Variants in PPFIBP2 observed in about 807,000 individuals in gnomAD.
PPFIBP2 encodes PPFIB scaffold protein 2, also known as liprin-beta-2.
A neutral mutation model predicts 118.3 loss-of-function variants in PPFIBP2; 118 were observed. That is an observed-to-expected ratio of 1.00 (90% CI 0.86 to 1.16). The LOEUF (loss-of-function observed/expected upper bound fraction) is 1.16. Among genes scored for constraint, PPFIBP2 ranks in the 50% most tolerant of loss-of-function variants. PPFIBP2 has a pLI of 0.00. For synonymous variants in PPFIBP2, 414 were observed against 397.4 expected (o/e 1.04, Z -0.50); for missense variants, 1,195 against 1,073.1 (o/e 1.11, Z -1.59).
chr11:7,537,737 G>A (rs758392100), intron 1 of PPFIBP2, among the ~76,000 whole-genome samples: 4 of 152,178 alleles, frequency 2.6e-5, no homozygotes, highest in Non-Finnish European at 5.9e-5. Flanking sequence ...GTTTGGTGAT[G>A]CTCTGCTCCC....
In PPFIBP2 at chr11:7,535,718, C is replaced by G. The variant is rs189489248; in HGVS notation, c.-36-13722C>G. Among the ~76,000 whole-genome samples the G allele has an allele frequency of 2.0e-3, 312 of 152,284 alleles. 3 individuals carry two copies. The highest frequency in any genetic ancestry group is 7.0e-3 in the African/African-American group (291 of 41,534). ...TTGGATGCCAGCTCATGCGTTCAGA[C>G]TGCTGTGGGAGAGGCCAGGTGTTAC... On this transcript the variant is annotated intron_variant, in intron 1 of 23. Coordinates refer to ENST00000299492, the MANE Select transcript of PPFIBP2 (RefSeq NM_003621.5).
At chr11:7,626,888 A>G (rs1181194829) in intron 8 of PPFIBP2, among the ~76,000 whole-genome samples, 2 of 152,164 alleles carry the variant, frequency 1.3e-5, no homozygotes, top group Non-Finnish European at 2.9e-5. Context: ...CCATGCAACA[A>G]TGGCTTAGGC....
chr11:7,536,083 G>T (rs1260240902), intron 1 of PPFIBP2, among the ~76,000 whole-genome samples: 2 of 152,190 alleles, frequency 1.3e-5, no homozygotes, highest in African/African-American at 2.4e-5. Flanking sequence ...CACCCTTTCA[G>T]GTAGGCAGTT....
chr11:7,600,240 C>T (rs532756324), intron 5 of PPFIBP2, among the ~76,000 whole-genome samples: 5 of 152,324 alleles, frequency 3.3e-5, no homozygotes, highest in African/African-American at 1.2e-4. Flanking sequence ...CCTCATCTTC[C>T]ACTCATGTGT....
chr11:7,552,213 A>T (rs968941891), intron 2 of PPFIBP2, among the ~76,000 whole-genome samples: 5 of 152,212 alleles, frequency 3.3e-5, no homozygotes, highest in African/African-American at 1.2e-4. Flanking sequence ...CAGTTTCCTC[A>T]TATTAGAAAT....
intron 1 of PPFIBP2, among the ~76,000 whole-genome samples, chr11:7,525,669 T>G (rs1590113037): frequency 6.6e-6 from 1 of 152,220 alleles, no homozygotes; most frequent in South Asian, 2.1e-4. Context: ...TGTGGCAGGG[T>G]TAAGTGCAAA....
intron 1 of PPFIBP2, among the ~76,000 whole-genome samples, chr11:7,530,647 T>A (rs1474220894): frequency 6.6e-6 from 1 of 152,246 alleles, no homozygotes; most frequent in Non-Finnish European, 1.5e-5. Flanking sequence ...TCCATAGCTG[T>A]GAGAAATACA....
At chr11:7,665,750 C>T in the PPFIBP2 span, 3 of 1,343,916 alleles carry the variant, frequency 2.2e-6, no homozygotes, top group African/African-American at 2.9e-5. Context: ...CCCAGGCTCA[C>T]TGCAGGGACC....
chr11:7,591,393 C>G, intron 3 of PPFIBP2, among the ~76,000 whole-genome samples: 1 of 149,250 alleles, frequency 6.7e-6, no homozygotes, highest in Non-Finnish European at 1.5e-5. Flanking sequence ...GTTTAATTCT[C>G]TGTCCACTGG....
In PPFIBP2 at chr11:7,622,338, C is replaced by T. The variant is rs1015040413; in HGVS notation, c.711+1311C>T. ...GAGAAATCTATCCCCATGATCCATT[C>T]ACCTCCTACCAGGGCCCACCTCCAA... On this transcript the variant is annotated intron_variant, in intron 7 of 23. Coordinates refer to ENST00000299492, the MANE Select transcript of PPFIBP2 (RefSeq NM_003621.5). Among the ~76,000 whole-genome samples, 68 of 152,216 alleles carry T rather than the reference C, an allele frequency of 4.5e-4. 1 individual carries two copies. The highest frequency in any genetic ancestry group is 1.6e-3 in the African/African-American group (67 of 41,454).
chr11:7,540,249 G>A (rs1218707699), intron 1 of PPFIBP2, among the ~76,000 whole-genome samples: 1 of 145,764 alleles, frequency 6.9e-6, no homozygotes, highest in East Asian at 1.9e-4. Flanking sequence ...GATGAGGGGT[G>A]TGGGGGGGCG....
chr11:7,515,826 C>T (rs1232519341), intron 1 of PPFIBP2, among the ~76,000 whole-genome samples: 2 of 152,160 alleles, frequency 1.3e-5, no homozygotes, highest in African/African-American at 4.8e-5. Flanking sequence ...CAATTCCTAG[C>T]CTGATACAGA....
At position 7,652,991 on chromosome 11, in the gene PPFIBP2, C is replaced by T. The variant is rs773137778; in HGVS notation, c.2437-33C>T. ...TCATACCTGCACACTGCCTTGATTG[C>T]CTTCTCATAATCTTGCATTTTCTGT... On this transcript the variant is annotated intron_variant, in intron 23 of 23. Transcript: ENST00000299492. 3.2e-6 allele frequency: 5 copies of T among 1,582,570 alleles called. No homozygotes were observed. In the Admixed American group the frequency reaches 5.2e-5, roughly 17 times the overall value.
At chr11:7,541,057 C>G (rs1851725540) in intron 1 of PPFIBP2, among the ~76,000 whole-genome samples, 1 of 152,218 alleles carries the variant, frequency 6.6e-6, no homozygotes, top group Non-Finnish European at 1.5e-5. Flanking sequence ...TACTGTGTGG[C>G]TGGTGGCCAG....
At chr11:7,607,954 A>C (rs1043086711) in intron 5 of PPFIBP2, among the ~76,000 whole-genome samples, 1 of 152,218 alleles carries the variant, frequency 6.6e-6, no homozygotes, top group African/African-American at 2.4e-5. Flanking sequence ...CTAGAGAATG[A>C]GGTAATAAAG....
intron 17 of PPFIBP2, among the ~76,000 whole-genome samples, chr11:7,647,146 C>T (rs1037550109): frequency 1.1e-4 from 16 of 152,164 alleles, no homozygotes; most frequent in African/African-American, 3.6e-4. Context: ...ACTTTAACAA[C>T]AGCTCAACCA....
At chr11:7,667,249 T>C in the PPFIBP2 span, 2 of 151,600 alleles carry the variant, frequency 1.3e-5, no homozygotes, top group Non-Finnish European at 1.5e-5. Context: ...TAGTAAATTA[T>C]AGTGCAACTT....
intron 4 of PPFIBP2, among the ~76,000 whole-genome samples, chr11:7,596,143 A>G (rs1332122291): frequency 5.3e-5 from 8 of 152,218 alleles, no homozygotes; most frequent in Admixed American, 4.6e-4. Flanking sequence ...TCACCAACAC[A>G]TGGCCTCAAG....
chr11:7,666,350 G>T, the PPFIBP2 span: 8 of 759,198 alleles, frequency 1.1e-5, no homozygotes, highest in East Asian at 1.7e-4. Flanking sequence ...CCCACATCTG[G>T]TCCTACAAAA....
Sources: allele counts gnomAD v4.1 joint callset (sites outside exome capture counted in the v4.1 genomes callset), GRCh38; gene constraint gnomAD v4.1.1; transcripts MANE v1.5; gene names NCBI Gene and HGNC (gene_info 2026-07-23, HGNC 2026-07-21).